Variants in PCLO observed in about 807,000 individuals in gnomAD.
PCLO encodes protein piccolo.
A neutral mutation model predicts 427.5 loss-of-function variants in PCLO; 82 were observed. That is an observed-to-expected ratio of 0.19 (90% CI 0.16 to 0.23). The LOEUF is 0.23. PCLO is among the 10% of genes least tolerant of loss of function. The pLI, the probability that PCLO is intolerant of heterozygous loss-of-function variation, is 1.00. For synonymous variants in PCLO, 2,357 were observed against 2,155.4 expected (o/e 1.09, Z -2.59); for missense variants, 6,239 against 6,115.9 (o/e 1.02, Z -0.67).
At chr7:83,152,052 C>A (rs1364746543) in intron 2 of PCLO, among the ~76,000 whole-genome samples, 2 of 151,950 alleles carry the variant, frequency 1.3e-5, no homozygotes, top group Non-Finnish European at 2.9e-5. Flanking sequence ...GCAAGCTCCG[C>A]CTCCCCGGTT....
intron 3 of PCLO, among the ~76,000 whole-genome samples, chr7:83,082,754 C>T (rs1364867044): frequency 6.6e-6 from 1 of 151,332 alleles, no homozygotes; most frequent in Non-Finnish European, 1.5e-5. Context: ...CAGCATGTAC[C>T]ACCCCATAAA....
chr7:82,995,060 G>C (rs529781878), intron 3 of PCLO, among the ~76,000 whole-genome samples: 1 of 152,062 alleles, frequency 6.6e-6, no homozygotes, highest in East Asian at 1.9e-4. Context: ...TGAGGTAATT[G>C]AATATATGGG....
intron 3 of PCLO, among the ~76,000 whole-genome samples, chr7:83,043,295 AT>A (rs1789017557): frequency 6.6e-6 from 1 of 152,156 alleles, no homozygotes; most frequent in Non-Finnish European, 1.5e-5. Flanking sequence ...AGTGAATTTG[AT>A]TGTCTGGCCT....
rs75982193 is a variant in PCLO, at chr7:83,091,564, C to G, written c.3300+42686G>C. ...GATTGTGAGAACTAAAACTGCTAAT[C>G]AACTGCCAATTTGTATGAGTTTTGC... On this transcript the variant is annotated intron_variant, in intron 3 of 24. Transcript: ENST00000333891. Among the ~76,000 whole-genome samples, 1,383 of 152,240 alleles carry G rather than the reference C, an allele frequency of 9.1e-3. 21 individuals are homozygous for G. The highest frequency in any genetic ancestry group is 0.01 in the Admixed American group (160 of 15,288).
At chr7:83,092,532 A>T (rs1454378676) in intron 3 of PCLO, among the ~76,000 whole-genome samples, 1 of 152,044 alleles carries the variant, frequency 6.6e-6, no homozygotes, top group Admixed American at 6.6e-5. Flanking sequence ...ATCAAAACTA[A>T]ACCTAGGTCA....
intron 9 of PCLO, among the ~76,000 whole-genome samples, chr7:82,895,234 C>T (rs1793872913): frequency 6.6e-6 from 1 of 151,162 alleles, no homozygotes; most frequent in African/African-American, 2.4e-5. Context: ...TCTAAATAAA[C>T]AATAGGTAAG....
At chr7:83,065,418 C>A (rs1326395639) in intron 3 of PCLO, among the ~76,000 whole-genome samples, 2 of 147,318 alleles carry the variant, frequency 1.4e-5, no homozygotes, top group Non-Finnish European at 3.0e-5. Context: ...ACTAAACATA[C>A]AATTTTGTGG....
chr7:83,029,383 G>C (rs1367815372), intron 3 of PCLO, among the ~76,000 whole-genome samples: 1 of 150,172 alleles, frequency 6.7e-6, no homozygotes, highest in Non-Finnish European at 1.5e-5. Flanking sequence ...CTGGCCATCA[G>C]AGAAATGCAA....
At chr7:82,835,104 C>A (rs1313289036) in intron 16 of PCLO, among the ~76,000 whole-genome samples, 1 of 152,044 alleles carries the variant, frequency 6.6e-6, no homozygotes, top group Non-Finnish European at 1.5e-5. Flanking sequence ...GCCACCATGC[C>A]TAGCTAAGTT....
Position 82,915,070 on chromosome 7 carries a change from T to C in PCLO, c.12916A>G (p.Lys4306Glu). The change falls in exon 7 of 25, where the codon AAA (lysine) becomes GAA (glutamate). Residue 4306 changes from lysine (K) to glutamate (E), a missense_variant. Physicochemically the swap from Lys to Glu is moderately conservative, Grantham distance 56. This residue lies in a region of PCLO where 680 missense variants were observed against 677.3 expected (regional missense o/e 1.00). Coordinates refer to ENST00000333891, the MANE Select transcript of PCLO (RefSeq NM_033026.6). Reference protein sequence around the residue: ...SSVYGLDLSIKRDSSSSSLRL... With the variant: ...SSVYGLDLSIERDSSSSSLRL... ...AGGGAAGAGCTAGAAGAATCCCTTT[T>C]AATTGATAAATCAAGCCCATAGACA... 1 of 1,610,620 alleles carries C rather than the reference T, an allele frequency of 6.2e-7. No individual in the cohort carries two copies. Among genetic ancestry groups the C allele is most frequent in the Non-Finnish European group, 8.5e-7 (1 of 1,178,112 alleles).
chr7:83,098,050 A>G lies in PCLO; in HGVS notation c.3300+36200T>C, dbSNP rs1562963181. Among the ~76,000 whole-genome samples the G allele has an allele frequency of 2.0e-5, 3 of 152,182 alleles. No homozygotes were observed. In the South Asian group the frequency reaches 6.2e-4, roughly 31 times the overall value. The stretch of plus-strand genomic sequence containing the variant: ...ATATTTCTACATTGTTATTAAGGAA[A>G]CAAATTGAGAATAAGTTAGATAGTT... On this transcript the variant is annotated intron_variant, in intron 3 of 24. Coordinates refer to ENST00000333891, the MANE Select transcript of PCLO (RefSeq NM_033026.6).
At chr7:83,128,575 T>C (rs1791497582) in intron 3 of PCLO, among the ~76,000 whole-genome samples, 1 of 152,070 alleles carries the variant, frequency 6.6e-6, no homozygotes, top group Admixed American at 6.6e-5. Context: ...GCATAACCTA[T>C]GGCCCAATAA....
At chr7:82,839,757 G>A (rs1170029858) in intron 14 of PCLO, among the ~76,000 whole-genome samples, 1 of 152,008 alleles carries the variant, frequency 6.6e-6, no homozygotes. Flanking sequence ...TATGGCCTTA[G>A]GGAACATCTA....
chr7:82,985,584 G>A (rs192099073), intron 3 of PCLO, among the ~76,000 whole-genome samples: 1 of 151,922 alleles, frequency 6.6e-6, no homozygotes, highest in East Asian at 1.9e-4. Context: ...TTTCTGTGAT[G>A]TCTACCACAG....
intron 17 of PCLO, 54 bp downstream of exon 17, chr7:82,827,819 A>G: frequency 1.0e-6 from 1 of 972,916 alleles, no homozygotes; most frequent in Non-Finnish European, 1.6e-6. Flanking sequence ...TAATTGTGTT[A>G]TCACTGTACT....
At position 82,951,251 on chromosome 7, in the gene PCLO, T is replaced by C. The variant is rs1273213504; in HGVS notation, c.9337A>G (p.Thr3113Ala). Residue 3113 changes from threonine to alanine, a missense_variant, in exon 6 of 25, where the codon ACC (threonine) becomes GCC (alanine). Coordinates refer to ENST00000333891, the MANE Select transcript of PCLO (RefSeq NM_033026.6). ...ITTQPGSIFS[T>A]TVRDLSGIHT... ...ATACCAGACAAATCCCTCACTGTGG[T>C]GCTGAAAATGGAGCCAGGTTGTGTG... 1.9e-6 allele frequency: 3 copies of C among 1,613,606 alleles called. No homozygotes were observed. In the South Asian group the frequency reaches 3.3e-5, roughly 18 times the overall value.
At chr7:83,057,885 G>A (rs1562943089) in intron 3 of PCLO, among the ~76,000 whole-genome samples, 1 of 152,072 alleles carries the variant, frequency 6.6e-6, no homozygotes, top group Non-Finnish European at 1.5e-5. Context: ...TGGATAAAAT[G>A]CAATCAGCTA....
In PCLO at chr7:83,073,984, C is replaced by T. The variant is rs1293220962; in HGVS notation, c.3300+60266G>A. 4.0e-5 allele frequency among the ~76,000 whole-genome samples: 6 copies of T among 151,548 alleles called. No homozygotes were observed. The East Asian group carries it at 1.2e-3, about 29-fold the overall frequency. ...AAATCTCAATACCATTTGGGGGGTA[C>T]TAAATATAGAAAATTAATTCAGCAT... On this transcript the variant is annotated intron_variant, in intron 3 of 24. Transcript: ENST00000333891.
intron 8 of PCLO, among the ~76,000 whole-genome samples, chr7:82,904,036 T>C (rs1794122365): frequency 6.6e-6 from 1 of 151,936 alleles, no homozygotes; most frequent in Admixed American, 6.6e-5. Context: ...AAATACTCCC[T>C]AAACAACAGC....
Sources: allele counts gnomAD v4.1 joint callset (sites outside exome capture counted in the v4.1 genomes callset), GRCh38; gene constraint gnomAD v4.1.1; regional missense constraint gnomAD v4.1.1; transcripts MANE v1.5; gene names NCBI Gene and HGNC (gene_info 2026-07-23, HGNC 2026-07-21).